Variants in RORA observed in about 807,000 individuals in gnomAD.
RORA encodes the protein RAR related orphan receptor A.
Under a neutral mutation model 69.5 loss-of-function variants are expected in RORA, and 7 were observed. The observed-to-expected ratio is 0.10, with a 90% CI of 0.06 to 0.19. RORA has a LOEUF of 0.19. Ranked by LOEUF, RORA falls within the 10% of genes least tolerant of loss-of-function variation. RORA has a pLI of 1.00. For synonymous variants in RORA, 261 were observed against 240.8 expected, an observed-to-expected ratio of 1.08 and a Z score of -0.78; for missense variants, 457 against 663.0, an observed-to-expected ratio of 0.69 and a Z score of 3.41.
In RORA at chr15:60,540,566, C is replaced by CG. The variant is rs1350744029; in HGVS notation, c.197-8716_197-8715insC. On this transcript the variant is annotated intron_variant, in intron 2 of 10. Transcript: ENST00000335670. ...ATTCCACCTGCACAATTTCCATGAC[C>CG]CCCCCCCCCCAAAACTGTGCGGTCA... is the stretch of plus-strand genomic sequence containing the variant. Among the ~76,000 whole-genome samples, 14 of 40,548 alleles carry CG rather than the reference C, an allele frequency of 3.5e-4. 3 individuals carry two copies. The highest frequency in any genetic ancestry group is 0.014 in the East Asian group (1 of 74). 26.6% of individuals were successfully genotyped at this position (40,548 alleles called of 152,430 possible).
At chr15:60,625,547 A>T (rs552735398) in intron 2 of RORA, among the ~76,000 whole-genome samples, 1 of 152,356 alleles carries the variant, frequency 6.6e-6, no homozygotes, top group South Asian at 2.1e-4. Flanking sequence ...CAAAGCCTGA[A>T]AACAAATTAA....
intron 1 of RORA, among the ~76,000 whole-genome samples, chr15:60,957,379 C>T (rs957626859): frequency 5.9e-5 from 9 of 152,188 alleles, no homozygotes; most frequent in Admixed American, 1.3e-4. Context: ...TTGTGCCTGT[C>T]ATCCTTCAGC....
chr15:61,123,219 G>C (rs1218905821), intron 1 of RORA, among the ~76,000 whole-genome samples: 1 of 152,046 alleles, frequency 6.6e-6, no homozygotes, highest in Non-Finnish European at 1.5e-5. Flanking sequence ...CGGTGGGTAG[G>C]GGGTGCACCC....
At chr15:60,705,876 T>C (rs951062658) in intron 1 of RORA, among the ~76,000 whole-genome samples, 1 of 152,216 alleles carries the variant, frequency 6.6e-6, no homozygotes, top group Non-Finnish European at 1.5e-5. Flanking sequence ...ACTTTGCTTT[T>C]ATATAGAATC....
rs115957973 is a variant in RORA at position 60,499,763 on chromosome 15, C to A, written c.1407+129G>T. 5,158 of 549,946 alleles carry A rather than the reference C, an allele frequency of 9.4e-3. 154 individuals are homozygous for A. Among genetic ancestry groups the A allele is most frequent in the African/African-American group, 0.067 (3,447 of 51,662 alleles). The allele number at this position is 549,946 out of a possible 1,614,324, so 34.1% of individuals were successfully genotyped here. A position where few individuals can be genotyped will look rare whatever the true frequency, so the allele number is the denominator to read the frequency against. ...ATTTTTTTGAAATGGAAATTTATTT[C>A]TTTTTAGTAGCCTGTTGCCTTCTGA... On this transcript the variant is annotated intron_variant, in intron 10 of 10. Coordinates refer to ENST00000335670, the MANE Select transcript of RORA (RefSeq NM_134261.3).
chr15:60,786,782 C>A (rs769671153), intron 1 of RORA, among the ~76,000 whole-genome samples: 1 of 152,180 alleles, frequency 6.6e-6, no homozygotes, highest in Non-Finnish European at 1.5e-5. Flanking sequence ...AGGAGGCCTC[C>A]TCCCTCCCTG....
At chr15:61,157,696 G>A (rs2079456950) in intron 1 of RORA, among the ~76,000 whole-genome samples, 3 of 152,156 alleles carry the variant, frequency 2.0e-5, no homozygotes, top group Non-Finnish European at 4.4e-5. Context: ...TCTCCCATTA[G>A]TGTATATGTT....
intron 2 of RORA, chr15:60,592,467 A>G: frequency 7.3e-7 from 1 of 1,376,292 alleles, no homozygotes; most frequent in Non-Finnish European, 9.4e-7. Flanking sequence ...CCGACCCCGG[A>G]GCCCCCTCTG....
At position 60,495,054 on chromosome 15, in the gene RORA, A is replaced by G. The variant is rs1037213576; in HGVS notation, c.*2401T>C. 3 of 152,238 alleles carry G rather than the reference A, an allele frequency of 2.0e-5. No homozygotes were observed. Among genetic ancestry groups the G allele is most frequent in the Non-Finnish European group, 4.4e-5 (3 of 68,044 alleles). The allele number at this position is 152,238 out of a possible 1,614,324, so 9.4% of individuals were successfully genotyped here. A position where few individuals can be genotyped will look rare whatever the true frequency, so the allele number is the denominator to read the frequency against. On this transcript the variant is annotated 3_prime_UTR_variant, in exon 11 of 11. Transcript: ENST00000335670. ...GAAGTTAATATACTTTAATAAAACC[A>G]TCCCCAAATTTAGTGAATCTGAATG...
intron 2 of RORA, among the ~76,000 whole-genome samples, chr15:60,546,847 G>A (rs1433909624): frequency 6.6e-6 from 1 of 152,168 alleles, no homozygotes; most frequent in Non-Finnish European, 1.5e-5. Flanking sequence ...AGAATTGTCC[G>A]TGATTACTAT....
Position 60,497,137 on chromosome 15 carries a change from G to A in RORA, c.*318C>T, listed in dbSNP as rs919102940. 8.2e-5 allele frequency: 18 copies of A among 220,010 alleles called. No homozygotes were observed. The South Asian group carries it at 1.3e-3, about 16-fold the overall frequency. The allele number at this position is 220,010 out of a possible 1,614,324, so 13.6% of individuals were successfully genotyped here. A position where few individuals can be genotyped will look rare whatever the true frequency, so the allele number is the denominator to read the frequency against. ...TGACTCTGTAGAAAGTCTGTGGGCA[G>A]TGAGCTACAAGAAAAGGAAATCCTC... On this transcript the variant is annotated 3_prime_UTR_variant, in exon 11 of 11. Transcript: ENST00000335670.
intron 1 of RORA, among the ~76,000 whole-genome samples, chr15:60,699,471 T>C (rs2070951954): frequency 6.6e-6 from 1 of 152,172 alleles, no homozygotes; most frequent in African/African-American, 2.4e-5. Context: ...GTGTCTGTTG[T>C]GTCAGAAAAA....
chr15:60,925,789 T>A (rs1424480250), intron 1 of RORA, among the ~76,000 whole-genome samples: 1 of 152,192 alleles, frequency 6.6e-6, no homozygotes, highest in South Asian at 2.1e-4. Flanking sequence ...TTTCTGTCCA[T>A]TTTTGTGTTC....
In RORA at chr15:60,905,892, CCT is replaced by C. The variant is rs1386935253; in HGVS notation, c.167-227208_167-227207del. Reference sequence around the variant, plus strand: ...CACCCTCATCATCCTTTATTCTCCCCCTCTCTTCTACCAAAGAAGCCCTAAAA... The same window carrying C: ...CACCCTCATCATCCTTTATTCTCCCCCTCTTCTACCAAAGAAGCCCTAAAA... On this transcript the variant is annotated intron_variant, in intron 1 of 10. Coordinates refer to ENST00000335670, the MANE Select transcript of RORA (RefSeq NM_134261.3). This position sits in a 1 kb window ranked among gnomAD's most constrained non-coding sequence, Gnocchi z 4.8. 6.6e-6 allele frequency among the ~76,000 whole-genome samples: 1 copy of C among 152,152 alleles called. No individual in the cohort carries two copies. Among genetic ancestry groups the C allele is most frequent in the Non-Finnish European group, 1.5e-5 (1 of 68,022 alleles).
chr15:60,841,238 C>T (rs1054112306), intron 1 of RORA: 8 of 203,012 alleles, frequency 3.9e-5, no homozygotes, highest in Admixed American at 1.3e-4. Flanking sequence ...CTCGGGGCCT[C>T]AGGCACTACA....
At chr15:61,088,474 G>A (rs1175154805) in intron 1 of RORA, among the ~76,000 whole-genome samples, 1 of 152,126 alleles carries the variant, frequency 6.6e-6, no homozygotes, top group African/African-American at 2.4e-5. Context: ...AAGCGGTGGG[G>A]GATGGGGCGA....
Position 60,494,291 on chromosome 15 carries a change from C to G in RORA, c.*3164G>C, listed in dbSNP as rs961454152. 4.6e-5 allele frequency: 7 copies of G among 152,108 alleles called. No homozygotes were observed. The highest frequency in any genetic ancestry group is 2.6e-4 in the Admixed American group (4 of 15,268). The allele number at this position is 152,108 out of a possible 1,614,324, so 9.4% of individuals were successfully genotyped here. On this transcript the variant is annotated 3_prime_UTR_variant, in exon 11 of 11. Coordinates refer to ENST00000335670, the MANE Select transcript of RORA (RefSeq NM_134261.3). The stretch of plus-strand genomic sequence containing the variant: ...GCCAGGTTTTTCACAATATAATAAC[C>G]ATTTGGACACCATTGGAACAGAAGG...
intron 1 of RORA, among the ~76,000 whole-genome samples, chr15:60,694,884 G>A (rs1649789267): frequency 6.6e-6 from 1 of 152,218 alleles, no homozygotes; most frequent in South Asian, 2.1e-4. Context: ...GGGCCAGAAA[G>A]AAGCTTGAAA....
At chr15:61,001,380 T>A (rs930134338) in intron 1 of RORA, among the ~76,000 whole-genome samples, 1 of 152,270 alleles carries the variant, frequency 6.6e-6, no homozygotes, top group African/African-American at 2.4e-5. Flanking sequence ...AGGTAAGGGC[T>A]CCAAGAGGAG....
Sources: allele counts gnomAD v4.1 joint callset (sites outside exome capture counted in the v4.1 genomes callset), GRCh38; gene constraint gnomAD v4.1.1; non-coding constraint Gnocchi (gnomAD v3.1); transcripts MANE v1.5; gene names NCBI Gene and HGNC (gene_info 2026-07-23, HGNC 2026-07-21).